NCOA1: variants seen among roughly 807,000 people sequenced by gnomAD.
The protein encoded by NCOA1 is Hin-2 protein.
A neutral mutation model predicts 150.9 loss-of-function variants in NCOA1; 35 were observed. The observed-to-expected ratio is 0.23, with a 90% CI of 0.18 to 0.31. The LOEUF (loss-of-function observed/expected upper bound fraction) is 0.31, where lower values mean the gene tolerates loss of function less well. NCOA1 is among the 10% of genes least tolerant of loss of function. NCOA1 has a pLI of 1.00. For missense variants in NCOA1, 1,491 were observed against 1,749.3 expected, an observed-to-expected ratio of 0.85 and a Z score of 2.63; for synonymous variants, 590 against 630.0, an observed-to-expected ratio of 0.94 and a Z score of 0.95.
Position 24,769,927 on chromosome 2 carries a change from GA to G in NCOA1, c.*1540del. Reference sequence around the variant, plus strand: ...CAGCTACCTCTGCCTCCATGGCAGAGAAAAGGCCATAAGAACAGTGGAAGAG... The same window carrying G: ...CAGCTACCTCTGCCTCCATGGCAGAGAAAGGCCATAAGAACAGTGGAAGAG... On this transcript the variant is annotated 3_prime_UTR_variant, in exon 23 of 23. Coordinates refer to ENST00000348332, the MANE Select transcript of NCOA1 (RefSeq NM_003743.5). 8.8e-6 allele frequency: 2 copies of G among 227,414 alleles called. No individual in the cohort carries two copies. Among genetic ancestry groups the G allele is most frequent in the Non-Finnish European group, 8.8e-6 (1 of 114,194 alleles). 14.1% of individuals were successfully genotyped at this position (227,414 alleles called of 1,614,324 possible). A position where few individuals can be genotyped will look rare whatever the true frequency, so the allele number is the denominator to read the frequency against.
At chr2:24,738,378 A>T (rs1663432940) in intron 17 of NCOA1, among the ~76,000 whole-genome samples, 1 of 152,112 alleles carries the variant, frequency 6.6e-6, no homozygotes, top group South Asian at 2.1e-4. Flanking sequence ...TAGTTTATTC[A>T]TATGAAATTA....
At chr2:24,643,599 A>G (rs1229061153) in intron 3 of NCOA1, among the ~76,000 whole-genome samples, 1 of 152,224 alleles carries the variant, frequency 6.6e-6, no homozygotes, top group Non-Finnish European at 1.5e-5. Flanking sequence ...TAAGTAAATA[A>G]TTATGTGATA....
chr2:24,563,475 G>T (rs1475651108), intron 1 of NCOA1, among the ~76,000 whole-genome samples: 1 of 151,960 alleles, frequency 6.6e-6, no homozygotes, highest in East Asian at 1.9e-4. Context: ...GGGTGGTAAA[G>T]CCTAAATTAG....
At position 24,491,492 on chromosome 2, in the gene NCOA1, G is replaced by A. The variant is rs1233597006; in HGVS notation, c.-506G>A. On this transcript the variant is annotated 5_prime_UTR_variant, in exon 1 of 23. Transcript: ENST00000348332. ...GACCCCTGCTCCGGAGGAGGGGGCC[G>A]GAGAGCCGCGGCGCCGGGCCCGAGG... 1.9e-3 allele frequency among the ~76,000 whole-genome samples: 1 copy of A among 514 alleles called. No individual in the cohort carries two copies. The highest frequency in any genetic ancestry group is 5.1e-3 in the Non-Finnish European group (1 of 198). The allele number at this position is 514 out of a possible 152,430, so 0.3% of individuals were successfully genotyped here.
At chr2:24,716,580 A>G (rs1419110178) in intron 14 of NCOA1, among the ~76,000 whole-genome samples, 3 of 152,246 alleles carry the variant, frequency 2.0e-5, no homozygotes, top group Non-Finnish European at 4.4e-5. Flanking sequence ...AGGCTTAAAT[A>G]TAAAAGTTAA....
chr2:24,722,495 T>G (rs1674402965), intron 14 of NCOA1, among the ~76,000 whole-genome samples: 1 of 151,834 alleles, frequency 6.6e-6, no homozygotes, highest in Non-Finnish European at 1.5e-5. Context: ...AATAATGCTG[T>G]TTTTTTTAAA....
chr2:24,654,898 C>T (rs1038015416), intron 4 of NCOA1, among the ~76,000 whole-genome samples: 1 of 152,144 alleles, frequency 6.6e-6, no homozygotes, highest in Non-Finnish European at 1.5e-5. Context: ...TCCCTTACCC[C>T]CTTCTTACCT....
intron 3 of NCOA1, among the ~76,000 whole-genome samples, chr2:24,604,782 CT>C (rs1668283289): frequency 6.6e-6 from 1 of 152,198 alleles, no homozygotes; most frequent in African/African-American, 2.4e-5. Context: ...TGGAGTAGCA[CT>C]TTAAATTTCC....
At position 24,520,940 on chromosome 2, in the gene NCOA1, C is replaced by G. The variant is rs1664393122; in HGVS notation, c.-396+29338C>G. On this transcript the variant is annotated intron_variant, in intron 1 of 22. Transcript: ENST00000348332. ...ATTCTTTGCTGTTCCTTGACTATTCCAGGCCGCTTCCTGCCTTAGGAGAAT... is the reference window on the plus strand; with the variant it reads ...ATTCTTTGCTGTTCCTTGACTATTCGAGGCCGCTTCCTGCCTTAGGAGAAT... Among the ~76,000 whole-genome samples, 2 of 59,022 alleles carry G rather than the reference C, an allele frequency of 3.4e-5. 1 individual carries two copies. Among genetic ancestry groups the G allele is most frequent in the Admixed American group, 4.3e-4 (2 of 4,602 alleles). The allele number at this position is 59,022 out of a possible 152,430, so 38.7% of individuals were successfully genotyped here.
chr2:24,743,100 T>C (rs529223880), intron 19 of NCOA1, among the ~76,000 whole-genome samples: 3 of 152,350 alleles, frequency 2.0e-5, no homozygotes, highest in Non-Finnish European at 4.4e-5. Context: ...GTGATGAACA[T>C]CTGATTAGTC....
intron 6 of NCOA1, among the ~76,000 whole-genome samples, chr2:24,671,327 A>G (rs1671673727): frequency 6.6e-6 from 1 of 152,098 alleles, no homozygotes; most frequent in African/African-American, 2.4e-5. Flanking sequence ...CCTCCCACTG[A>G]TACTAAAATC....
chr2:24,545,087 T>G (rs1665555650), intron 1 of NCOA1, among the ~76,000 whole-genome samples: 1 of 152,186 alleles, frequency 6.6e-6, no homozygotes, highest in Admixed American at 6.5e-5. Flanking sequence ...TAGCTCTGTC[T>G]GCTGAGAGGG....
intron 22 of NCOA1, among the ~76,000 whole-genome samples, chr2:24,764,920 A>T (rs1429523268): frequency 6.6e-6 from 1 of 152,130 alleles, no homozygotes; most frequent in African/African-American, 2.4e-5. Context: ...TTTGGCTTAC[A>T]CCTGTAATCC....
At chr2:24,602,523 A>T (rs1019666775) in intron 3 of NCOA1, among the ~76,000 whole-genome samples, 1 of 152,082 alleles carries the variant, frequency 6.6e-6, no homozygotes, top group Non-Finnish European at 1.5e-5. Flanking sequence ...TAAAAAATAC[A>T]CTCTAAGTTA....
In NCOA1 at chr2:24,644,089, T is replaced by C. The variant is rs1572533942; in HGVS notation, c.-51T>C. On this transcript the variant is annotated 5_prime_UTR_variant, in exon 4 of 23. Transcript: ENST00000348332. ...AACTCAAGATTTGACCATATCTGTT[T>C]TGAGGATTCATTATGAACAAAGAAG... 1 of 152,332 alleles carries C rather than the reference T, an allele frequency of 6.6e-6. No individual in the cohort carries two copies. The highest frequency in any genetic ancestry group is 6.5e-5 in the Admixed American group (1 of 15,300). 9.4% of individuals were successfully genotyped at this position (152,332 alleles called of 1,614,324 possible).
chr2:24,667,890 G>GA lies in NCOA1; in HGVS notation c.256+1984dup, dbSNP rs960835205. Among the ~76,000 whole-genome samples the GA allele has an allele frequency of 5.3e-4, 80 of 151,408 alleles. 1 individual carries two copies. The highest frequency in any genetic ancestry group is 1.8e-3 in the African/African-American group (74 of 41,304). On this transcript the variant is annotated intron_variant, in intron 6 of 22. Coordinates refer to ENST00000348332, the MANE Select transcript of NCOA1 (RefSeq NM_003743.5). ...CCTATTTGAAATATTTTTAAAAACAGAAAAAAAAATCTATGCATCTTTTTA... is the reference window on the plus strand; with the variant it reads ...CCTATTTGAAATATTTTTAAAAACAGAAAAAAAAAATCTATGCATCTTTTTA...
intron 4 of NCOA1, among the ~76,000 whole-genome samples, chr2:24,656,695 C>T (rs550450771): frequency 2.4e-4 from 37 of 152,324 alleles, no homozygotes; most frequent in African/African-American, 8.9e-4. Context: ...CTTTAGTTTA[C>T]ACATGAGTGA....
intron 1 of NCOA1, among the ~76,000 whole-genome samples, chr2:24,549,831 G>C (rs1490789475): frequency 6.6e-6 from 1 of 152,066 alleles, no homozygotes; most frequent in Non-Finnish European, 1.5e-5. Context: ...CGGCCTCCCA[G>C]AGTGCTGGGA....
At chr2:24,531,215 C>G (rs992077239) in intron 1 of NCOA1, among the ~76,000 whole-genome samples, 1 of 152,104 alleles carries the variant, frequency 6.6e-6, no homozygotes, top group Non-Finnish European at 1.5e-5. Flanking sequence ...AATTACCACA[C>G]GACCCAGCAA....
Sources: allele counts gnomAD v4.1 joint callset (sites outside exome capture counted in the v4.1 genomes callset), GRCh38; gene constraint gnomAD v4.1.1; transcripts MANE v1.5; gene names NCBI Gene and HGNC (gene_info 2026-07-23, HGNC 2026-07-21).